SINHCAF: variants seen among roughly 807,000 people sequenced by gnomAD.
The protein encoded by SINHCAF is SIN3-HDAC complex associated factor, also known as SIN3-HDAC complex-associated factor.
Under a neutral mutation model 25.8 loss-of-function variants are expected in SINHCAF, and 3 were observed. The observed-to-expected ratio is 0.12, with a 90% CI of 0.05 to 0.30. SINHCAF has a LOEUF of 0.30. Ranked by LOEUF, SINHCAF falls within the 10% of genes least tolerant of loss-of-function variation. SINHCAF has a pLI of 1.00. For missense variants in SINHCAF, 121 were observed against 262.3 expected, an observed-to-expected ratio of 0.46 and a Z score of 3.72; for synonymous variants, 70 against 85.5, an observed-to-expected ratio of 0.82 and a Z score of 1.00.
chr12:31,307,382 C>T (rs1459650565), intron 1 of SINHCAF, among the ~76,000 whole-genome samples: 4 of 152,074 alleles, frequency 2.6e-5, no homozygotes, highest in Non-Finnish European at 5.9e-5. Flanking sequence ...ATGGTAAGCC[C>T]TGTCTCTACA....
At chr12:31,306,386 A>T (rs1283730574) in intron 1 of SINHCAF, among the ~76,000 whole-genome samples, 1 of 152,190 alleles carries the variant, frequency 6.6e-6, no homozygotes, top group African/African-American at 2.4e-5. Context: ...ATATCATTTT[A>T]TCTGAATTCC....
intron 1 of SINHCAF, among the ~76,000 whole-genome samples, chr12:31,306,649 G>C (rs897961320): frequency 6.6e-6 from 1 of 152,156 alleles, no homozygotes; most frequent in African/African-American, 2.4e-5. Context: ...TACTGCATCA[G>C]CAAAGTGATT....
intron 1 of SINHCAF, among the ~76,000 whole-genome samples, chr12:31,319,721 C>T (rs958361392): frequency 7.9e-5 from 12 of 152,134 alleles, no homozygotes; most frequent in Non-Finnish European, 1.3e-4. Context: ...GCAATCCACT[C>T]GCAGGAAGTT....
At chr12:31,297,027 C>T in intron 2 of SINHCAF, 2 of 439,048 alleles carry the variant, frequency 4.6e-6, no homozygotes, top group South Asian at 1.6e-5. Flanking sequence ...GCCTAGGCAA[C>T]ATAGGAAGAC....
intron 1 of SINHCAF, among the ~76,000 whole-genome samples, chr12:31,321,078 G>A (rs1342520416): frequency 6.6e-6 from 1 of 152,086 alleles, no homozygotes; most frequent in African/African-American, 2.4e-5. Flanking sequence ...TCCCTACCTT[G>A]AAAACAAACT....
intron 5 of SINHCAF, among the ~76,000 whole-genome samples, chr12:31,283,813 A>G (rs1937913910): frequency 6.8e-6 from 1 of 148,034 alleles, no homozygotes; most frequent in Admixed American, 6.9e-5. Context: ...TCATGGTTTC[A>G]CCGTATGTTG....
At position 31,323,238 on chromosome 12, in the gene SINHCAF, G is replaced by A. The variant is rs543339211; in HGVS notation, c.-21+2786C>T. Among the ~76,000 whole-genome samples, 9 of 152,256 alleles carry A rather than the reference G, an allele frequency of 5.9e-5. No individual in the cohort carries two copies. In the South Asian group the frequency reaches 6.2e-4, roughly 11 times the overall value. Reference sequence around the variant, plus strand: ...ATTATATAAATACTTTAAATGCCATGAGGGTTTTCTCCGAAACTCCACCAG... The same window carrying A: ...ATTATATAAATACTTTAAATGCCATAAGGGTTTTCTCCGAAACTCCACCAG... On this transcript the variant is annotated intron_variant, in intron 1 of 5. Coordinates refer to ENST00000337682, the MANE Select transcript of SINHCAF (RefSeq NM_001135812.2).
rs777437298 is a variant in SINHCAF at position 31,325,709 on chromosome 12, C to T, written c.-21+315G>A. On this transcript the variant is annotated intron_variant, in intron 1 of 5. Coordinates refer to ENST00000337682, the MANE Select transcript of SINHCAF (RefSeq NM_001135812.2). This position sits in a 1 kb window ranked among gnomAD's most constrained non-coding sequence, Gnocchi z 5.9. The stretch of plus-strand genomic sequence containing the variant: ...GGAGAAAAGTCATTGTCACCTTCAA[C>T]GTGGATCCCTCAACTCCGGCGACTC... 6.1e-4 allele frequency: 103 copies of T among 169,118 alleles called. 1 individual carries two copies. The highest frequency in any genetic ancestry group is 9.1e-4 in the Non-Finnish European group (71 of 77,688). 10.5% of individuals were successfully genotyped at this position (169,118 alleles called of 1,614,324 possible).
chr12:31,323,988 G>A (rs1164002479), intron 1 of SINHCAF: 25 of 455,742 alleles, frequency 5.5e-5, no homozygotes, highest in Non-Finnish European at 1.1e-4. Flanking sequence ...GGTGACTGCC[G>A]AGAGAGACGC....
chr12:31,295,520 A>G (rs1938512592), intron 2 of SINHCAF, among the ~76,000 whole-genome samples, 187 bp from the exon 3 acceptor site: 1 of 152,224 alleles, frequency 6.6e-6, no homozygotes, highest in African/African-American at 2.4e-5. Flanking sequence ...TAGATTCAAC[A>G]AACCAATTCT....
intron 1 of SINHCAF, among the ~76,000 whole-genome samples, chr12:31,314,722 C>T (rs1939431865): frequency 6.6e-6 from 1 of 152,176 alleles, no homozygotes; most frequent in South Asian, 2.1e-4. Flanking sequence ...CAAGATACCA[C>T]TGGAAGTAGT....
chr12:31,314,308 AGG>A (rs556037430), intron 1 of SINHCAF, among the ~76,000 whole-genome samples: 1,738 of 152,050 alleles, frequency 0.011, 22 homozygotes, highest in Admixed American at 0.03. Context: ...GCGGATCACG[AGG>A]TCACAAGATT....
At chr12:31,283,245 T>G (rs570252570) in intron 5 of SINHCAF, among the ~76,000 whole-genome samples, 1 of 152,148 alleles carries the variant, frequency 6.6e-6, no homozygotes. Flanking sequence ...ATATTTAATT[T>G]TTTTTCTTTA....
At chr12:31,294,062 T>TA in intron 3 of SINHCAF, 131 bp from the exon 4 acceptor site, 4 of 598,822 alleles carry the variant, frequency 6.7e-6, no homozygotes, top group Non-Finnish European at 1.1e-5. Flanking sequence ...TGTGCACCTT[T>TA]AATCATCACA....
At chr12:31,309,378 A>G (rs892996105) in intron 1 of SINHCAF, among the ~76,000 whole-genome samples, 2 of 152,184 alleles carry the variant, frequency 1.3e-5, no homozygotes, top group African/African-American at 2.4e-5. Flanking sequence ...AACTCCATCT[A>G]TGGCTTCTTG....
intron 5 of SINHCAF, among the ~76,000 whole-genome samples, chr12:31,283,637 G>T (rs1460634884): frequency 1.3e-5 from 2 of 151,798 alleles, no homozygotes; most frequent in African/African-American, 4.8e-5. Flanking sequence ...GTTAGCAAAG[G>T]CATCAAAAAT....
At chr12:31,307,694 T>C (rs1397131806) in intron 1 of SINHCAF, among the ~76,000 whole-genome samples, 3 of 152,074 alleles carry the variant, frequency 2.0e-5, no homozygotes, top group African/African-American at 7.2e-5. Flanking sequence ...AATTCAGAAG[T>C]AGCTCAACTG....
rs1402253197 is a variant in SINHCAF at position 31,325,597 on chromosome 12, C to T, written c.-21+427G>A. 2 of 188,744 alleles carry T rather than the reference C, an allele frequency of 1.1e-5. No individual in the cohort carries two copies. The highest frequency in any genetic ancestry group is 4.8e-5 in the African/African-American group (2 of 41,758). The allele number at this position is 188,744 out of a possible 1,614,324, so 11.7% of individuals were successfully genotyped here. On this transcript the variant is annotated intron_variant, in intron 1 of 5. Transcript: ENST00000337682. The surrounding 1 kb of genome is among the most constrained non-coding windows in gnomAD (Gnocchi z 5.9). The stretch of plus-strand genomic sequence containing the variant: ...CCTCGCGCCCACGCGGACGCACCGA[C>T]CCCGGCCGCTGCGCGGTGGCCAACG...
At chr12:31,323,910 CT>C (rs1939823874) in intron 1 of SINHCAF, 1 of 453,664 alleles carries the variant, frequency 2.2e-6, no homozygotes, top group Admixed American at 2.4e-5. Flanking sequence ...AGTAAAATGC[CT>C]CCCCGCTCCT....
Sources: allele counts gnomAD v4.1 joint callset (sites outside exome capture counted in the v4.1 genomes callset), GRCh38; gene constraint gnomAD v4.1.1; non-coding constraint Gnocchi (gnomAD v3.1); transcripts MANE v1.5; gene names NCBI Gene and HGNC (gene_info 2026-07-23, HGNC 2026-07-21).